Variants in UTP20 observed in about 807,000 individuals in gnomAD.
UTP20 encodes the protein small subunit processome component 20 homolog.
Under a neutral mutation model 329.5 loss-of-function variants are expected in UTP20, and 164 were observed. The ratio of observed to expected loss-of-function variants is 0.50; its 90% confidence interval spans 0.44 to 0.57. The LOEUF (loss-of-function observed/expected upper bound fraction) is 0.57, where lower values mean the gene tolerates loss of function less well. Ranked by LOEUF, UTP20 falls within the 20% of genes least tolerant of loss-of-function variation. The pLI is 0.00. For missense variants in UTP20, 3,055 were observed against 3,284.2 expected (o/e 0.93, Z 1.71); for synonymous variants, 1,151 against 1,159.3 (o/e 0.99, Z 0.14).
At chr12:101,369,954 C>G (rs1265112554) in intron 49 of UTP20, 63 bp downstream of exon 49, 1 of 1,520,982 alleles carries the variant, frequency 6.6e-7, no homozygotes, top group African/African-American at 1.4e-5. Context: ...TAGCTCGTAC[C>G]TATAATCCCA....
At chr12:101,381,319 G>T in intron 58 of UTP20, 108 bp downstream of exon 58, 1 of 921,764 alleles carries the variant, frequency 1.1e-6, no homozygotes, top group Non-Finnish European at 1.7e-6. Flanking sequence ...ATCACCCCGA[G>T]GTCAGGAGTT....
chr12:101,287,796 C>G (rs1872008124), intron 5 of UTP20, among the ~76,000 whole-genome samples: 1 of 152,212 alleles, frequency 6.6e-6, no homozygotes, highest in East Asian at 1.9e-4. Context: ...ATGTCAGGCA[C>G]TTGAGATACA....
chr12:101,369,241 C>A (rs1289866209), intron 48 of UTP20, among the ~76,000 whole-genome samples: 1 of 152,128 alleles, frequency 6.6e-6, no homozygotes, highest in Non-Finnish European at 1.5e-5. Context: ...ACAGAAAAGT[C>A]ATTTAAGATG....
In UTP20 at chr12:101,383,877, A is replaced by G. The variant is rs895896814; in HGVS notation, c.8056+208A>G. On this transcript the variant is annotated intron_variant, in intron 60 of 61. Coordinates refer to ENST00000261637, the MANE Select transcript of UTP20 (RefSeq NM_014503.3). ...ACACACACATACATTTAAAAAAGAGAGAGAGATGAATAGTGGTCTATGTTA... is the reference window on the plus strand; with the variant it reads ...ACACACACATACATTTAAAAAAGAGGGAGAGATGAATAGTGGTCTATGTTA... Among the ~76,000 whole-genome samples the G allele has an allele frequency of 2.6e-5, 4 of 151,076 alleles. No homozygotes were observed. The South Asian group carries it at 8.3e-4, about 32-fold the overall frequency.
chr12:101,320,799 C>G, intron 23 of UTP20, 53 bp from the exon 24 acceptor site: 2 of 1,467,784 alleles, frequency 1.4e-6, no homozygotes, highest in South Asian at 2.7e-5. Flanking sequence ...AAATTGCTAT[C>G]CTATGGTATA....
rs1437181370 is a variant in UTP20 at position 101,383,757 on chromosome 12, C to G, written c.8056+88C>G. ...ATGTTTCCTTCTTCCTTTCTGTCCTCCCTCCCTGCCTGAGATTTATTTTTA... is the reference window on the plus strand; with the variant it reads ...ATGTTTCCTTCTTCCTTTCTGTCCTGCCTCCCTGCCTGAGATTTATTTTTA... On this transcript the variant is annotated intron_variant, in intron 60 of 61. Coordinates refer to ENST00000261637, the MANE Select transcript of UTP20 (RefSeq NM_014503.3). 5.5e-6 allele frequency: 6 copies of G among 1,084,560 alleles called. No individual in the cohort carries two copies. In the East Asian group the frequency reaches 1.2e-4, roughly 22 times the overall value. The allele number at this position is 1,084,560 out of a possible 1,614,324, so 67.2% of individuals were successfully genotyped here.
At chr12:101,282,394 G>T (rs1871829205) in intron 2 of UTP20, among the ~76,000 whole-genome samples, 1 of 152,212 alleles carries the variant, frequency 6.6e-6, no homozygotes, top group Non-Finnish European at 1.5e-5. Flanking sequence ...AGGAACAGAA[G>T]CTAGAGAATG....
chr12:101,357,028 C>T lies in UTP20; in HGVS notation c.5637C>T (p.His1879=). ...LAKIIEDLGV[H]FLLYVLKELQ... is the part of the protein sequence containing the mutation. ...AAATAATAGAGGATCTTGGTGTGCA[C>T]TTCCTCCTATATGTTTTAAAAGAAT... Residue 1879 remains histidine, a synonymous_variant, in exon 43 of 62, where the codon CAC becomes CAT. Coordinates refer to ENST00000261637, the MANE Select transcript of UTP20 (RefSeq NM_014503.3). 6.2e-7 allele frequency: 1 copy of T among 1,613,838 alleles called. No individual in the cohort carries two copies. Among genetic ancestry groups the T allele is most frequent in the South Asian group, 1.1e-5 (1 of 91,038 alleles).
intron 6 of UTP20, 98 bp from the exon 7 acceptor site, chr12:101,290,039 T>G: frequency 1.0e-6 from 1 of 954,928 alleles, no homozygotes; most frequent in Non-Finnish European, 1.5e-6. Flanking sequence ...TTCCTAAGTA[T>G]ATTTAAATAA....
chr12:101,369,715 T>A lies in UTP20; in HGVS notation c.6385-6T>A. Reference sequence around the variant, plus strand: ...AGTTGGTGGTGTTTTGTTTTGTTTTTTTCAGGTGATCACAGGTGCTTTACA... The same window carrying A: ...AGTTGGTGGTGTTTTGTTTTGTTTTATTCAGGTGATCACAGGTGCTTTACA... On this transcript the variant is annotated splice_polypyrimidine_tract_variant and splice_region_variant and intron_variant, in intron 48 of 61. Coordinates refer to ENST00000261637, the MANE Select transcript of UTP20 (RefSeq NM_014503.3). The A allele has an allele frequency of 1.3e-6, 2 of 1,502,602 alleles. No homozygotes were observed. 93.1% of individuals were successfully genotyped at this position (1,502,602 alleles called of 1,614,324 possible).
rs1872813000 is a variant in UTP20 at position 101,312,155 on chromosome 12, T to G, written c.2431T>G (p.Cys811Gly). The G allele has an allele frequency of 1.2e-5, 20 of 1,614,216 alleles. No individual in the cohort carries two copies. Among genetic ancestry groups the G allele is most frequent in the Non-Finnish European group, 1.7e-5 (20 of 1,180,036 alleles). The change falls in exon 21 of 62, where the codon TGT becomes GGT. Residue 811 changes from cysteine (C) to glycine (G), a missense_variant. Cys to Gly is a radical substitution (Grantham distance 159). Transcript: ENST00000261637. ...TGAGCAGTTAGCATTGAAAACTGAC[T>G]GTCAGGAAAGACTTGACCACACCAA... The part of the protein sequence containing the change: ...YHEQLALKTD[C>G]QERLDHTNFR...
intron 26 of UTP20, 32 bp downstream of exon 26, chr12:101,327,279 T>C: frequency 6.5e-7 from 1 of 1,527,826 alleles, no homozygotes; most frequent in Non-Finnish European, 8.9e-7. Flanking sequence ...CTCTAATACC[T>C]GTTGTCTGCG....
intron 60 of UTP20, among the ~76,000 whole-genome samples, chr12:101,384,502 C>T (rs1337205132): frequency 6.6e-6 from 1 of 152,212 alleles, no homozygotes; most frequent in Non-Finnish European, 1.5e-5. Flanking sequence ...GATTGCACCA[C>T]TGCACTCCTG....
chr12:101,382,070 G>A (rs1012607674), intron 58 of UTP20, among the ~76,000 whole-genome samples: 3 of 151,202 alleles, frequency 2.0e-5, no homozygotes, highest in South Asian at 2.1e-4. Flanking sequence ...GTAGAATGGC[G>A]GAAGGAATTT....
intron 43 of UTP20, among the ~76,000 whole-genome samples, chr12:101,361,338 T>C (rs1226732711): frequency 6.6e-6 from 1 of 151,914 alleles, no homozygotes; most frequent in Non-Finnish European, 1.5e-5. Context: ...AGTTCAGGAC[T>C]CTTGGCCAGG....
chr12:101,334,622 G>A, intron 29 of UTP20, 118 bp downstream of exon 29: 2 of 775,290 alleles, frequency 2.6e-6, no homozygotes, highest in Non-Finnish European at 4.0e-6. Context: ...AACTACTTTT[G>A]GTACAGTTAG....
chr12:101,385,581 A>G lies in UTP20; in HGVS notation c.8057-2A>G. Reference sequence around the variant, plus strand: ...TGATCATTACTCTTTGTGTGTGATTAGATCCTTTGCTGAAGAATCTATCCC... The same window carrying G: ...TGATCATTACTCTTTGTGTGTGATTGGATCCTTTGCTGAAGAATCTATCCC... On this transcript the variant is annotated splice_acceptor_variant, in intron 60 of 61. Coordinates refer to ENST00000261637, the MANE Select transcript of UTP20 (RefSeq NM_014503.3). LOFTEE classifies it high-confidence loss of function. 6.2e-7 allele frequency: 1 copy of G among 1,608,950 alleles called. No homozygotes were observed. Among genetic ancestry groups the G allele is most frequent in the Non-Finnish European group, 8.5e-7 (1 of 1,179,064 alleles).
chr12:101,341,723 A>G (rs899853900), intron 32 of UTP20, among the ~76,000 whole-genome samples: 1 of 152,100 alleles, frequency 6.6e-6, no homozygotes, highest in African/African-American at 2.4e-5. Flanking sequence ...TGGCCAACAT[A>G]GTGAAACCCT....
intron 32 of UTP20, among the ~76,000 whole-genome samples, chr12:101,341,980 A>G (rs1175135420): frequency 1.3e-5 from 2 of 152,196 alleles, no homozygotes; most frequent in Non-Finnish European, 1.5e-5. Flanking sequence ...TAGCATTTAC[A>G]TTGTATTGGG....
Sources: allele counts gnomAD v4.1 joint callset (sites outside exome capture counted in the v4.1 genomes callset), GRCh38; gene constraint gnomAD v4.1.1; transcripts MANE v1.5; gene names NCBI Gene and HGNC (gene_info 2026-07-23, HGNC 2026-07-21).